AFG2A: variants seen among roughly 807,000 people sequenced by gnomAD.
The protein encoded by AFG2A is ATPase family gene 2 protein homolog A.
At chr4:123,245,863 T>G in the AFG2A span, among the ~76,000 whole-genome samples, 22 of 152,226 alleles carry the variant, frequency 1.4e-4, no homozygotes, top group Admixed American at 1.2e-3. Context: ...CAAAGAACTT[T>G]ATAACCCTAG....
the AFG2A span, among the ~76,000 whole-genome samples, chr4:123,118,562 G>A: frequency 6.6e-6 from 1 of 151,396 alleles, no homozygotes; most frequent in Non-Finnish European, 1.5e-5. Context: ...TTATTTTATG[G>A]ATTCTTAGGC....
At chr4:123,076,577 G>A in the AFG2A span, among the ~76,000 whole-genome samples, 2 of 151,036 alleles carry the variant, frequency 1.3e-5, no homozygotes, top group Middle Eastern at 6.8e-3. Context: ...TTTAGAGATG[G>A]GGTGAGTCAG....
At chr4:123,131,455 T>G in the AFG2A span, among the ~76,000 whole-genome samples, 1 of 152,130 alleles carries the variant, frequency 6.6e-6, no homozygotes, top group Admixed American at 6.6e-5. Flanking sequence ...CAAAACTTTT[T>G]CATCATGGAA....
the AFG2A span, among the ~76,000 whole-genome samples, chr4:123,191,439 G>A: frequency 1.3e-5 from 2 of 151,778 alleles, no homozygotes; most frequent in African/African-American, 4.8e-5. Flanking sequence ...GCTTAGGGAG[G>A]GCTTTGCTCC....
the AFG2A span, among the ~76,000 whole-genome samples, chr4:123,006,548 T>G: frequency 6.6e-6 from 1 of 152,156 alleles, no homozygotes; most frequent in African/African-American, 2.4e-5. Flanking sequence ...TTTTTTACTT[T>G]TTTTGTTTGG....
At chr4:123,050,628 C>CT in the AFG2A span, among the ~76,000 whole-genome samples, 1,818 of 151,436 alleles carry the variant, frequency 0.012, 41 homozygotes, top group African/African-American at 0.041. Flanking sequence ...GCTACTCCTG[C>CT]TTTTTTTTGG....
the AFG2A span, among the ~76,000 whole-genome samples, chr4:123,243,774 C>T: frequency 6.7e-6 from 1 of 149,812 alleles, no homozygotes; most frequent in Non-Finnish European, 1.5e-5. Flanking sequence ...TGGTGGTTCA[C>T]ACCTGTAATC....
At chr4:123,057,266 G>T in the AFG2A span, 4 of 1,613,702 alleles carry the variant, frequency 2.5e-6, no homozygotes, top group East Asian at 4.5e-5. Flanking sequence ...TGAACTGGAT[G>T]CCTTAGCAGT....
chr4:123,193,904 T>G, the AFG2A span, among the ~76,000 whole-genome samples: 1 of 152,164 alleles, frequency 6.6e-6, no homozygotes, highest in Non-Finnish European at 1.5e-5. Context: ...CCTTACATTT[T>G]TAAGACAAGA....
chr4:123,013,390 G>A, the AFG2A span, among the ~76,000 whole-genome samples: 2 of 152,158 alleles, frequency 1.3e-5, no homozygotes, highest in Non-Finnish European at 2.9e-5. Flanking sequence ...ACATGTATGG[G>A]TTTAATACTA....
At chr4:123,183,653 T>C in the AFG2A span, among the ~76,000 whole-genome samples, 1 of 152,242 alleles carries the variant, frequency 6.6e-6, no homozygotes, top group Non-Finnish European at 1.5e-5. Context: ...AAAAACTATT[T>C]AGATTTCTAA....
chr4:123,137,086 G>A, the AFG2A span, among the ~76,000 whole-genome samples: 6 of 152,104 alleles, frequency 3.9e-5, no homozygotes, highest in Admixed American at 6.5e-5. Context: ...TTCACAGTAG[G>A]GTTCACACTT....
At chr4:123,072,654 C>T in the AFG2A span, among the ~76,000 whole-genome samples, 2 of 152,100 alleles carry the variant, frequency 1.3e-5, no homozygotes, top group African/African-American at 4.8e-5. Context: ...TTTAAACATC[C>T]ATAATTTCCC....
chr4:123,001,553 C>T, the AFG2A span, among the ~76,000 whole-genome samples: 1 of 151,246 alleles, frequency 6.6e-6, no homozygotes, highest in Admixed American at 6.6e-5. Flanking sequence ...GCCTTCATTT[C>T]GTTATGTACC....
At chr4:122,982,837 T>C in the AFG2A span, among the ~76,000 whole-genome samples, 2 of 151,532 alleles carry the variant, frequency 1.3e-5, no homozygotes, top group East Asian at 3.9e-4. Flanking sequence ...CTGTTTCATT[T>C]CTCAGTTTAT....
chr4:123,148,592 G>A, the AFG2A span, among the ~76,000 whole-genome samples: 1 of 152,240 alleles, frequency 6.6e-6, no homozygotes, highest in Admixed American at 6.5e-5. Flanking sequence ...GTTGTAACTA[G>A]AGTTAGTTAG....
At chr4:123,218,969 G>T in the AFG2A span, among the ~76,000 whole-genome samples, 9 of 152,256 alleles carry the variant, frequency 5.9e-5, no homozygotes, top group African/African-American at 1.9e-4. Flanking sequence ...AGATCCAATA[G>T]GAGCCATTTA....
At chr4:123,248,791 T>G in the AFG2A span, among the ~76,000 whole-genome samples, 3 of 152,240 alleles carry the variant, frequency 2.0e-5, no homozygotes, top group Admixed American at 2.0e-4. Flanking sequence ...TCTAACCTCG[T>G]AGCTCATTGT....
chr4:123,056,359 AC>A, the AFG2A span: 3 of 1,597,946 alleles, frequency 1.9e-6, no homozygotes, highest in Non-Finnish European at 2.6e-6. Context: ...TTATAAAGAC[AC>A]TGAACAGTTG....
Sources: gnomAD v4.1 joint callset for allele counts (sites outside exome capture counted in the v4.1 genomes callset) on GRCh38, gnomAD v4.1.1 for gene constraint, MANE v1.5 for transcripts, NCBI Gene and HGNC (gene_info 2026-07-23, HGNC 2026-07-21) for gene names.